The following NRDC variants were observed in gnomAD, a reference collection of about 807,000 sequenced individuals.
NRDC encodes the protein nardilysin convertase, also known as nardilysin.
NRDC carries 54 observed loss-of-function variants against 147.1 expected under a neutral mutation model. That is an observed-to-expected ratio of 0.37 (90% confidence interval 0.29 to 0.46). The LOEUF (loss-of-function observed/expected upper bound fraction) is 0.46, where lower values mean the gene tolerates loss of function less well. NRDC is among the 20% of genes least tolerant of loss of function. The pLI, the probability that NRDC is intolerant of heterozygous loss-of-function variation, is 1.00. For missense variants in NRDC, 1,082 were observed against 1,370.6 expected, an observed-to-expected ratio of 0.79 and a Z score of 3.33; for synonymous variants, 440 against 482.1, an observed-to-expected ratio of 0.91 and a Z score of 1.14.
chr1:51,807,642 G>C (rs943919007), intron 17 of NRDC, among the ~76,000 whole-genome samples: 1 of 152,084 alleles, frequency 6.6e-6, no homozygotes, highest in Non-Finnish European at 1.5e-5. Context: ...AGCAGGTCAA[G>C]GCTGCAGTGA....
chr1:51,801,932 C>T (rs547324897), intron 20 of NRDC, among the ~76,000 whole-genome samples: 17 of 152,046 alleles, frequency 1.1e-4, no homozygotes, highest in Non-Finnish European at 2.2e-4. Context: ...AGACTACAGG[C>T]GCCTGCCACC....
At chr1:51,828,694 TA>T (rs1426258853) in intron 4 of NRDC, among the ~76,000 whole-genome samples, 4 of 150,364 alleles carry the variant, frequency 2.7e-5, no homozygotes, top group African/African-American at 9.8e-5. Flanking sequence ...TTTAAAAAAT[TA>T]ATTTCCTAAA....
At chr1:51,874,394 A>T (rs1683227519) in intron 1 of NRDC, among the ~76,000 whole-genome samples, 2 of 152,216 alleles carry the variant, frequency 1.3e-5, no homozygotes, top group South Asian at 4.1e-4. Flanking sequence ...AGGAGGGCAG[A>T]TCATCTGAGG....
Position 51,800,546 on chromosome 1 carries a change from T to A in NRDC, c.2441+10A>T, listed in dbSNP as rs781168735. The stretch of plus-strand genomic sequence containing the variant: ...TCCTCAAAATATAAGCTCATCTCAT[T>A]TATACCCACTTGGCCAAAGTCTCGG... On this transcript the variant is annotated intron_variant, in intron 21 of 30. Coordinates refer to ENST00000352171, the MANE Select transcript of NRDC (RefSeq NM_001101662.2). 6.2e-7 allele frequency: 1 copy of A among 1,613,812 alleles called. No individual in the cohort carries two copies. Among genetic ancestry groups the A allele is most frequent in the Non-Finnish European group, 8.5e-7 (1 of 1,179,856 alleles).
intron 24 of NRDC, 72 bp from the exon 25 acceptor site, chr1:51,792,496 C>A (rs146685740): frequency 2.1e-6 from 3 of 1,399,518 alleles, no homozygotes; most frequent in South Asian, 1.2e-5. Flanking sequence ...TCCAGCTATT[C>A]TAGGCAACCA....
At position 51,800,579 on chromosome 1, in the gene NRDC, G is replaced by A. The variant is rs749174799; in HGVS notation, c.2418C>T (p.Leu806=). The change falls in exon 21 of 31, where the codon CTC becomes CTT. Residue 806 remains leucine, a synonymous_variant. Transcript: ENST00000352171. The part of the protein sequence containing the change: ...EQLKKTYFNI[L]IKPETLAKDV... ...ACTTGGCCAAAGTCTCGGGCTTGAT[G>A]AGGATGTTAAAGTAGGTCTTCTTCA... 6.0e-5 allele frequency: 97 copies of A among 1,613,904 alleles called. No individual in the cohort carries two copies. Among genetic ancestry groups the A allele is most frequent in the Non-Finnish European group, 7.3e-5 (86 of 1,179,958 alleles).
intron 17 of NRDC, 125 bp from the exon 18 acceptor site, chr1:51,807,038 G>A (rs1679499165): frequency 3.6e-6 from 4 of 1,102,034 alleles, no homozygotes; most frequent in Non-Finnish European, 4.9e-6. Flanking sequence ...TCAAATGTTG[G>A]AATACATTAA....
At chr1:51,842,391 T>C (rs1276675709) in intron 1 of NRDC, among the ~76,000 whole-genome samples, 2 of 152,136 alleles carry the variant, frequency 1.3e-5, no homozygotes, top group African/African-American at 4.8e-5. Flanking sequence ...AGTAAGATAT[T>C]GGTTCTTCCC....
intron 4 of NRDC, among the ~76,000 whole-genome samples, chr1:51,828,388 T>C (rs1680538374): frequency 1.3e-5 from 2 of 152,244 alleles, no homozygotes; most frequent in South Asian, 2.1e-4. Context: ...TGTAATGTTA[T>C]GTATATCCAT....
intron 1 of NRDC, among the ~76,000 whole-genome samples, chr1:51,851,830 C>G (rs1681965387): frequency 6.6e-6 from 1 of 152,146 alleles, no homozygotes; most frequent in Non-Finnish European, 1.5e-5. Context: ...TTTGCAAGCT[C>G]AAAACTGCCT....
At chr1:51,848,438 G>A (rs1031182245) in intron 1 of NRDC, among the ~76,000 whole-genome samples, 3 of 152,068 alleles carry the variant, frequency 2.0e-5, no homozygotes, top group African/African-American at 7.2e-5. Flanking sequence ...CCGAGATAGC[G>A]CCACGGCACT....
chr1:51,801,128 A>G (rs1401797245), intron 20 of NRDC: 1 of 152,828 alleles, frequency 6.5e-6, no homozygotes, highest in African/African-American at 2.4e-5. Context: ...TAAGGGTCCA[A>G]AATTCTAAAT....
intron 4 of NRDC, 105 bp from the exon 5 acceptor site, chr1:51,827,974 T>C (rs1680518405): frequency 2.4e-6 from 2 of 819,770 alleles, no homozygotes; most frequent in East Asian, 2.7e-5. Flanking sequence ...TAATTCACAA[T>C]CCTAAGTATA....
At chr1:51,814,280 C>T (rs944751098) in intron 13 of NRDC, 191 bp from the exon 14 acceptor site, 46 of 569,752 alleles carry the variant, frequency 8.1e-5, no homozygotes, top group Admixed American at 2.6e-4. Flanking sequence ...TGCACATATA[C>T]CCCTGAACCT....
chr1:51,833,628 G>A (rs1209727895), intron 4 of NRDC, among the ~76,000 whole-genome samples: 2 of 151,590 alleles, frequency 1.3e-5, no homozygotes, highest in Admixed American at 6.6e-5. Context: ...TTTGAGACAG[G>A]GTCTCAAACA....
chr1:51,790,862 G>T, intron 28 of NRDC, 38 bp downstream of exon 28: 2 of 1,539,024 alleles, frequency 1.3e-6, no homozygotes, highest in Non-Finnish European at 1.8e-6. Context: ...GGGGGCTTGT[G>T]TGGGCCAAAG....
intron 1 of NRDC, among the ~76,000 whole-genome samples, chr1:51,851,593 A>G (rs1681952463): frequency 6.6e-6 from 1 of 152,012 alleles, no homozygotes; most frequent in Non-Finnish European, 1.5e-5. Flanking sequence ...GCTTGGCCAC[A>G]GTATTTTTTA....
intron 2 of NRDC, among the ~76,000 whole-genome samples, chr1:51,836,695 G>C (rs1680993528): frequency 6.6e-6 from 1 of 152,014 alleles, no homozygotes; most frequent in Non-Finnish European, 1.5e-5. Context: ...ATTTTGTTAA[G>C]ATAGAATAAG....
intron 11 of NRDC, 83 bp downstream of exon 11, chr1:51,816,223 TAAAGTA>T: frequency 1.5e-6 from 1 of 659,932 alleles, no homozygotes; most frequent in Non-Finnish European, 2.4e-6. Flanking sequence ...TCCTGGCAGC[TAAAGTA>T]AAAGAATGCA....
Sources: gnomAD v4.1 joint callset for allele counts (sites outside exome capture counted in the v4.1 genomes callset) on GRCh38, gnomAD v4.1.1 for gene constraint, MANE v1.5 for transcripts, NCBI Gene and HGNC (gene_info 2026-07-23, HGNC 2026-07-21) for gene names.